The following LRRFIP1 variants were observed in gnomAD, a reference collection of about 807,000 sequenced individuals.
LRRFIP1 encodes leucine-rich repeat flightless-interacting protein 1.
A neutral mutation model predicts 104.4 loss-of-function variants in LRRFIP1; 62 were observed. The ratio of observed to expected loss-of-function variants is 0.59; its 90% CI spans 0.48 to 0.73. The LOEUF is 0.73. Ranked by LOEUF, LRRFIP1 falls within the 30% of genes least tolerant of loss-of-function variation. The pLI is 0.00. For missense variants in LRRFIP1, 796 were observed against 824.5 expected (o/e 0.97, Z 0.42); for synonymous variants, 300 against 299.0 (o/e 1.00, Z -0.03).
At chr2:237,729,957 AT>A in intron 8 of LRRFIP1, 1 of 402,660 alleles carries the variant, frequency 2.5e-6, no homozygotes, top group Non-Finnish European at 3.4e-6. Context: ...TGTTTGACGG[AT>A]TTTTGTTTGG....
At chr2:237,646,523 G>A (rs992041387) in intron 1 of LRRFIP1, among the ~76,000 whole-genome samples, 31 of 151,820 alleles carry the variant, frequency 2.0e-4, no homozygotes, top group African/African-American at 7.2e-4. Flanking sequence ...CTCATTAAAT[G>A]GGTAAATGTT....
At chr2:237,742,343 G>A (rs11693524) in intron 11 of LRRFIP1, among the ~76,000 whole-genome samples, 7,403 of 152,206 alleles carry the variant, frequency 0.049, 202 homozygotes, top group Middle Eastern at 0.13. Context: ...GGTCAGTCCC[G>A]CAGTGAGGGA....
intron 3 of LRRFIP1, among the ~76,000 whole-genome samples, chr2:237,714,790 A>C (rs1474882768): frequency 6.6e-6 from 1 of 152,220 alleles, no homozygotes; most frequent in Non-Finnish European, 1.5e-5. Flanking sequence ...TCTGTTTCCT[A>C]GTATTTTGTA....
intron 19 of LRRFIP1, among the ~76,000 whole-genome samples, chr2:237,767,587 A>G (rs1322895398): frequency 1.3e-5 from 2 of 152,218 alleles, no homozygotes; most frequent in African/African-American, 2.4e-5. Flanking sequence ...ACAGTTTTCA[A>G]GAATGTATGA....
At chr2:237,732,588 A>G (rs1463493981) in intron 8 of LRRFIP1, among the ~76,000 whole-genome samples, 1 of 152,234 alleles carries the variant, frequency 6.6e-6, no homozygotes, top group Non-Finnish European at 1.5e-5. Flanking sequence ...AATCTTTTAG[A>G]AAAACCATGT....
chr2:237,647,723 G>C (rs60152562), intron 1 of LRRFIP1, among the ~76,000 whole-genome samples: 14 of 80,614 alleles, frequency 1.7e-4, no homozygotes, highest in African/African-American at 7.4e-4. Flanking sequence ...ACTCACTGCA[G>C]GCAGGTGGAG....
intron 11 of LRRFIP1, among the ~76,000 whole-genome samples, chr2:237,747,626 A>G (rs961863989): frequency 1.3e-4 from 20 of 152,176 alleles, no homozygotes; most frequent in African/African-American, 4.6e-4. Flanking sequence ...GTCATCTCTC[A>G]GATCTTCTGA....
chr2:237,760,313 C>G, intron 19 of LRRFIP1, 108 bp downstream of exon 19: 1 of 1,211,578 alleles, frequency 8.3e-7, no homozygotes. Context: ...TTAACAGTCA[C>G]CAGCATGCCA....
chr2:237,757,990 A>G (rs1295410053), intron 17 of LRRFIP1, among the ~76,000 whole-genome samples: 1 of 151,904 alleles, frequency 6.6e-6, no homozygotes, highest in African/African-American at 2.4e-5. Context: ...AGGTCTCCAC[A>G]TACCCTTCTC....
intron 11 of LRRFIP1, among the ~76,000 whole-genome samples, chr2:237,746,626 T>G (rs980451687): frequency 3.3e-5 from 5 of 152,064 alleles, no homozygotes; most frequent in African/African-American, 1.2e-4. Context: ...TCCGAAAAAA[T>G]AACTCTAGAT....
At chr2:237,762,360 A>G (rs2059960365) in intron 19 of LRRFIP1, among the ~76,000 whole-genome samples, 1 of 152,280 alleles carries the variant, frequency 6.6e-6, no homozygotes, top group African/African-American at 2.4e-5. Context: ...TCCACACAAG[A>G]TGGCACCAGC....
chr2:237,671,058 T>C (rs2090269588), intron 1 of LRRFIP1, among the ~76,000 whole-genome samples: 1 of 152,220 alleles, frequency 6.6e-6, no homozygotes, highest in South Asian at 2.1e-4. Flanking sequence ...TGAAGAGCGC[T>C]ATGTTCTCCC....
intron 2 of LRRFIP1, 47 bp from the exon 3 acceptor site, chr2:237,714,212 C>G (rs748686602): frequency 9.2e-6 from 13 of 1,420,514 alleles, no homozygotes; most frequent in Non-Finnish European, 1.3e-5. Context: ...GTTACTGCTT[C>G]TTTAATTGGA....
chr2:237,668,239 G>T (rs1484725265), intron 1 of LRRFIP1, among the ~76,000 whole-genome samples: 1 of 152,016 alleles, frequency 6.6e-6, no homozygotes, highest in African/African-American at 2.4e-5. Flanking sequence ...CTGCTTCCAA[G>T]ATTGGCCCCA....
rs1559654430 is a variant in LRRFIP1 at position 237,717,862 on chromosome 2, G to A, written c.249+53G>A. 7.8e-7 allele frequency: 1 copy of A among 1,289,634 alleles called. No homozygotes were observed. The highest frequency in any genetic ancestry group is 1.1e-6 in the Non-Finnish European group (1 of 883,900). The allele number at this position is 1,289,634 out of a possible 1,614,324, so 79.9% of individuals were successfully genotyped here. ...ACTCTTCCCTCCCCACTTGAATACAGTGTTGAGACTTAAATGGTTTATAAT... is the reference window on the plus strand; with the variant it reads ...ACTCTTCCCTCCCCACTTGAATACAATGTTGAGACTTAAATGGTTTATAAT... On this transcript the variant is annotated intron_variant, in intron 4 of 23. Transcript: ENST00000308482. The surrounding 1 kb of genome is among the most constrained non-coding windows in gnomAD (Gnocchi z 4.2).
intron 1 of LRRFIP1, among the ~76,000 whole-genome samples, chr2:237,635,580 A>G (rs188683243): frequency 2.6e-4 from 39 of 152,346 alleles, no homozygotes; most frequent in African/African-American, 9.4e-4. Flanking sequence ...CCAGCAACTC[A>G]GGAGGCTAAG....
At chr2:237,756,240 G>A in intron 16 of LRRFIP1, 53 bp downstream of exon 16, 1 of 1,359,876 alleles carries the variant, frequency 7.4e-7, no homozygotes, top group South Asian at 1.2e-5. Context: ...GGAGCATTTT[G>A]TCAGGCCATG....
Position 237,701,392 on chromosome 2 carries a change from C to T in LRRFIP1, c.97-7152C>T, listed in dbSNP as rs76290379. Reference sequence around the variant, plus strand: ...CTCCCACTGCCTACAACACCTCCAGCGCAGGCTGAGGCCATGCGAGGATGG... The same window carrying T: ...CTCCCACTGCCTACAACACCTCCAGTGCAGGCTGAGGCCATGCGAGGATGG... On this transcript the variant is annotated intron_variant, in intron 1 of 23. Transcript: ENST00000308482. Among the ~76,000 whole-genome samples the T allele has an allele frequency of 3.5e-3, 534 of 152,364 alleles. 1 individual carries two copies. The highest frequency in any genetic ancestry group is 5.2e-3 in the Non-Finnish European group (357 of 68,032).
In LRRFIP1 at chr2:237,717,019, A is replaced by ATTTTT. The variant is rs571061359; in HGVS notation, c.202-735_202-731dup. 3.4e-3 allele frequency among the ~76,000 whole-genome samples: 500 copies of ATTTTT among 147,540 alleles called. 1 individual carries two copies. The highest frequency in any genetic ancestry group is 0.012 in the African/African-American group (480 of 40,626). On this transcript the variant is annotated intron_variant, in intron 3 of 23. Coordinates refer to ENST00000308482, the MANE Select transcript of LRRFIP1 (RefSeq NM_001137550.2). The surrounding 1 kb of genome is among the most constrained non-coding windows in gnomAD (Gnocchi z 4.2). Reference sequence around the variant, plus strand: ...AAAACATTATGAAATTTTTTTTGCAATTTTTTTTTTTTAGCTTATCAGCTA... The same window carrying ATTTTT: ...AAAACATTATGAAATTTTTTTTGCAATTTTTTTTTTTTTTTTTAGCTTATCAGCTA...
Sources: allele counts gnomAD v4.1 joint callset (sites outside exome capture counted in the v4.1 genomes callset), GRCh38; gene constraint gnomAD v4.1.1; non-coding constraint Gnocchi (gnomAD v3.1); transcripts MANE v1.5; gene names NCBI Gene and HGNC (gene_info 2026-07-23, HGNC 2026-07-21).